PGCKA1: variants seen among roughly 807,000 people sequenced by gnomAD.
PGCKA1 encodes PDCD10 and GCKIII kinases-associated protein 1.
the PGCKA1 span, among the ~76,000 whole-genome samples, chr4:37,553,021 C>A: frequency 8.8e-5 from 12 of 137,104 alleles, no homozygotes; most frequent in East Asian, 2.8e-3. Flanking sequence ...TTCTACCTAT[C>A]TCTCATGGCC....
the PGCKA1 span, among the ~76,000 whole-genome samples, chr4:37,493,360 T>C: frequency 1.3e-5 from 2 of 152,236 alleles, no homozygotes; most frequent in African/African-American, 4.8e-5. Flanking sequence ...AGCTAATTCA[T>C]TTGTGAACAC....
the PGCKA1 span, among the ~76,000 whole-genome samples, chr4:37,481,464 CAAAAAAAAAAAAA>C: frequency 3.5e-3 from 217 of 61,396 alleles, no homozygotes; most frequent in Non-Finnish European, 5.4e-3. Flanking sequence ...GACCTGTCTC[CAAAAAAAAAAAAA>C]AAAAAAAAAA....
chr4:37,517,352 C>G, the PGCKA1 span, among the ~76,000 whole-genome samples: 1 of 149,966 alleles, frequency 6.7e-6, no homozygotes, highest in South Asian at 2.1e-4. Flanking sequence ...ATTTTTTTGA[C>G]ACAGAAAATA....
At chr4:37,562,776 C>T in the PGCKA1 span, among the ~76,000 whole-genome samples, 1 of 152,114 alleles carries the variant, frequency 6.6e-6, no homozygotes, top group Non-Finnish European at 1.5e-5. Context: ...GTCTCCTTTC[C>T]TGGACAGTAA....
the PGCKA1 span, among the ~76,000 whole-genome samples, chr4:37,485,465 T>C: frequency 3.3e-5 from 5 of 152,124 alleles, no homozygotes; most frequent in African/African-American, 1.2e-4. Context: ...CCCTTCCACC[T>C]TCCCCCATGG....
At chr4:37,508,691 TAGTA>T in the PGCKA1 span, among the ~76,000 whole-genome samples, 143 of 137,632 alleles carry the variant, frequency 1.0e-3, no homozygotes, top group East Asian at 3.8e-3. Context: ...ATCTTTTTTT[TAGTA>T]TTTATTGATC....
chr4:37,466,648 G>C, the PGCKA1 span, among the ~76,000 whole-genome samples: 2,430 of 151,952 alleles, frequency 0.016, 48 homozygotes, highest in African/African-American at 0.044. Context: ...GAAGTGGATG[G>C]GTTCCTAGGA....
At chr4:37,512,949 G>A in the PGCKA1 span, among the ~76,000 whole-genome samples, 10 of 152,048 alleles carry the variant, frequency 6.6e-5, no homozygotes, top group African/African-American at 2.2e-4. Flanking sequence ...TCAGCTGGGC[G>A]TAGTGGCACA....
the PGCKA1 span, among the ~76,000 whole-genome samples, chr4:37,494,082 T>C: frequency 6.6e-6 from 1 of 152,262 alleles, no homozygotes; most frequent in East Asian, 1.9e-4. Flanking sequence ...TTCTTTGGGG[T>C]ATATAACTAG....
At chr4:37,478,787 CT>C in the PGCKA1 span, among the ~76,000 whole-genome samples, 1 of 152,198 alleles carries the variant, frequency 6.6e-6, no homozygotes, top group African/African-American at 2.4e-5. Context: ...TGCCTCCCCC[CT>C]CTCAATATTT....
chr4:37,546,394 T>C, the PGCKA1 span, among the ~76,000 whole-genome samples: 106 of 152,200 alleles, frequency 7.0e-4, no homozygotes, highest in Non-Finnish European at 1.2e-3. Context: ...TTTCAGGCAT[T>C]GTATGGAAGA....
At chr4:37,546,842 A>G in the PGCKA1 span, among the ~76,000 whole-genome samples, 2 of 152,230 alleles carry the variant, frequency 1.3e-5, no homozygotes, top group African/African-American at 4.8e-5. Context: ...ACGCCTCGCC[A>G]CAGCAGCACG....
At chr4:37,547,163 A>G in the PGCKA1 span, among the ~76,000 whole-genome samples, 1 of 151,926 alleles carries the variant, frequency 6.6e-6, no homozygotes, top group Non-Finnish European at 1.5e-5. Flanking sequence ...TTCCTTGACA[A>G]GACTGGTCTT....
chr4:37,477,606 G>C, the PGCKA1 span, among the ~76,000 whole-genome samples: 1 of 152,132 alleles, frequency 6.6e-6, no homozygotes, highest in African/African-American at 2.4e-5. Flanking sequence ...GACTTCTAAG[G>C]AATTTCGGTA....
the PGCKA1 span, chr4:37,591,894 A>T: frequency 2.0e-5 from 3 of 152,284 alleles, no homozygotes; most frequent in East Asian, 5.8e-4. Flanking sequence ...GTGACCCTGG[A>T]TGTTACTTTC....
chr4:37,528,282 G>A, the PGCKA1 span, among the ~76,000 whole-genome samples: 1 of 152,144 alleles, frequency 6.6e-6, no homozygotes, highest in Non-Finnish European at 1.5e-5. Flanking sequence ...GGCAAGGAAA[G>A]GTATCCAGCT....
At chr4:37,485,883 C>G in the PGCKA1 span, among the ~76,000 whole-genome samples, 1 of 152,234 alleles carries the variant, frequency 6.6e-6, no homozygotes, top group East Asian at 1.9e-4. Flanking sequence ...AGGAACTGAG[C>G]AGATTTCCCT....
chr4:37,573,729 C>G, the PGCKA1 span, among the ~76,000 whole-genome samples: 1 of 152,236 alleles, frequency 6.6e-6, no homozygotes, highest in African/African-American at 2.4e-5. Context: ...TTCTTGCATA[C>G]TACTAATTTT....
chr4:37,578,662 T>C, the PGCKA1 span, among the ~76,000 whole-genome samples: 7 of 152,362 alleles, frequency 4.6e-5, no homozygotes, highest in Admixed American at 6.5e-5. Context: ...ATGTAGGTGA[T>C]ATTCTCTGGT....
Sources: gnomAD v4.1 joint callset for allele counts (sites outside exome capture counted in the v4.1 genomes callset) on GRCh38, gnomAD v4.1.1 for gene constraint, MANE v1.5 for transcripts, NCBI Gene and HGNC (gene_info 2026-07-23, HGNC 2026-07-21) for gene names.